The following CCDC172 variants were observed in gnomAD, a reference collection of about 807,000 sequenced individuals.
CCDC172 encodes coiled-coil domain-containing protein 172.
A neutral mutation model predicts 38.0 loss-of-function variants in CCDC172; 30 were observed. That is an observed-to-expected ratio of 0.79 (90% confidence interval 0.59 to 1.07). The LOEUF is 1.07. Ranked by LOEUF, CCDC172 falls within the 50% of genes least tolerant of loss-of-function variation. The pLI is 0.00. For synonymous variants in CCDC172, 78 were observed against 88.3 expected (o/e 0.88, Z 0.66); for missense variants, 297 against 290.1 (o/e 1.02, Z -0.17).
intron 3 of CCDC172, among the ~76,000 whole-genome samples, chr10:116,329,194 A>G (rs1361237986): frequency 6.6e-6 from 1 of 152,184 alleles, no homozygotes; most frequent in African/African-American, 2.4e-5. Context: ...AAGCCTTATC[A>G]TGTTTGTCAT....
In CCDC172 at chr10:116,343,415, C is replaced by T. The variant is rs117575843; in HGVS notation, c.448+1214C>T. Among the ~76,000 whole-genome samples the T allele has an allele frequency of 8.5e-3, 1,295 of 151,970 alleles. 9 individuals carry two copies. The highest frequency in any genetic ancestry group is 0.014 in the Non-Finnish European group (929 of 67,984). On this transcript the variant is annotated intron_variant, in intron 5 of 8. Coordinates refer to ENST00000333254, the MANE Select transcript of CCDC172 (RefSeq NM_198515.3). The stretch of plus-strand genomic sequence containing the variant: ...GAAATTGAGCCAGGCAAGTATTGGA[C>T]ATTCCTTGATTAGGACTCAGTCATC...
intron 7 of CCDC172, among the ~76,000 whole-genome samples, chr10:116,365,128 T>G (rs541619034): frequency 1.3e-5 from 2 of 152,282 alleles, no homozygotes; most frequent in African/African-American, 4.8e-5. Context: ...TACTTACCAT[T>G]ATATTGCTTT....
At chr10:116,335,869 T>C (rs1565712687) in intron 3 of CCDC172, among the ~76,000 whole-genome samples, 1 of 152,100 alleles carries the variant, frequency 6.6e-6, no homozygotes, top group Non-Finnish European at 1.5e-5. Context: ...TTTCTTGGAT[T>C]CATATATAAT....
At position 116,329,691 on chromosome 10, in the gene CCDC172, A is replaced by G. The variant is rs551064103; in HGVS notation, c.165+4303A>G. ...AAAGGTACCATTTGCCATCTTCTCTATGTTAATGCACACATTGACAGTGCA... is the reference window on the plus strand; with the variant it reads ...AAAGGTACCATTTGCCATCTTCTCTGTGTTAATGCACACATTGACAGTGCA... On this transcript the variant is annotated intron_variant, in intron 3 of 8. Transcript: ENST00000333254. Among the ~76,000 whole-genome samples the G allele has an allele frequency of 2.0e-5, 3 of 152,274 alleles. No individual in the cohort carries two copies. In the South Asian group the frequency reaches 6.2e-4, roughly 32 times the overall value.
intron 7 of CCDC172, among the ~76,000 whole-genome samples, chr10:116,377,526 A>G (rs1024022367): frequency 6.6e-6 from 1 of 152,204 alleles, no homozygotes; most frequent in African/African-American, 2.4e-5. Flanking sequence ...GCACGTTAAT[A>G]AAATGTATGT....
At chr10:116,335,359 T>G (rs2134911546) in intron 3 of CCDC172, among the ~76,000 whole-genome samples, 1 of 152,104 alleles carries the variant, frequency 6.6e-6, no homozygotes, top group East Asian at 1.9e-4. Flanking sequence ...TCTATACTAT[T>G]AATCTATTTG....
intron 3 of CCDC172, among the ~76,000 whole-genome samples, chr10:116,326,102 G>A (rs1286582036): frequency 3.3e-5 from 5 of 152,192 alleles, no homozygotes; most frequent in Non-Finnish European, 5.9e-5. Context: ...CCTGATCAGG[G>A]AGCAGTAAAA....
chr10:116,339,080 GGT>G (rs924683662), intron 3 of CCDC172, among the ~76,000 whole-genome samples: 1 of 151,872 alleles, frequency 6.6e-6, no homozygotes, highest in African/African-American at 2.4e-5. Flanking sequence ...AGTAAGCTCT[GGT>G]GGATCTAGGA....
chr10:116,371,407 G>A (rs7071032), intron 7 of CCDC172, among the ~76,000 whole-genome samples: 34,563 of 151,464 alleles, frequency 0.23, 5,909 homozygotes, highest in African/African-American at 0.45. Context: ...AGATCTTAGT[G>A]TATTATTTAT....
chr10:116,356,047 T>A (rs977924494), intron 5 of CCDC172, among the ~76,000 whole-genome samples: 2 of 152,024 alleles, frequency 1.3e-5, no homozygotes, highest in South Asian at 4.2e-4. Context: ...AAATACAATA[T>A]CTGGGCCGGG....
intron 5 of CCDC172, among the ~76,000 whole-genome samples, chr10:116,355,667 A>C (rs1471677208): frequency 3.3e-5 from 5 of 152,358 alleles, no homozygotes; most frequent in Non-Finnish European, 4.4e-5. Flanking sequence ...AACATGCTAC[A>C]AAATGGGTAG....
chr10:116,365,261 G>T (rs776406440), intron 7 of CCDC172, among the ~76,000 whole-genome samples: 1 of 152,232 alleles, frequency 6.6e-6, no homozygotes, highest in South Asian at 2.1e-4. Context: ...GCTAAATAGG[G>T]AAGTACTTCC....
At chr10:116,357,598 A>G (rs1391852002) in intron 6 of CCDC172, 117 bp downstream of exon 6, 1 of 935,268 alleles carries the variant, frequency 1.1e-6, no homozygotes, top group East Asian at 3.1e-5. Flanking sequence ...TATTATTGGT[A>G]TAAAAAAGAA....
chr10:116,368,835 C>G (rs1035866796), intron 7 of CCDC172, among the ~76,000 whole-genome samples: 1 of 152,002 alleles, frequency 6.6e-6, no homozygotes, highest in Non-Finnish European at 1.5e-5. Flanking sequence ...TCTCCTCCAA[C>G]TCAAATCTAA....
At chr10:116,368,746 G>A (rs1417960917) in intron 7 of CCDC172, among the ~76,000 whole-genome samples, 1 of 151,834 alleles carries the variant, frequency 6.6e-6, no homozygotes, top group African/African-American at 2.4e-5. Context: ...TGTGCTCATT[G>A]CTACTGGATG....
intron 4 of CCDC172, 34 bp from the exon 5 acceptor site, chr10:116,342,002 C>T: frequency 7.4e-7 from 1 of 1,344,674 alleles, no homozygotes; most frequent in Non-Finnish European, 9.9e-7. Flanking sequence ...TTGCAACTAA[C>T]ACCTATATTT....
At chr10:116,356,892 C>A (rs986251525) in intron 5 of CCDC172, among the ~76,000 whole-genome samples, 2 of 152,024 alleles carry the variant, frequency 1.3e-5, no homozygotes, top group Non-Finnish European at 2.9e-5. Flanking sequence ...ACTAACTTAT[C>A]CTTTTGTATC....
intron 3 of CCDC172, among the ~76,000 whole-genome samples, chr10:116,335,797 ATT>A (rs1447352778): frequency 6.6e-6 from 1 of 151,860 alleles, no homozygotes; most frequent in African/African-American, 2.4e-5. Flanking sequence ...TTTGGTATTT[ATT>A]TTGTTACTAG....
At chr10:116,336,666 T>G (rs1844737778) in intron 3 of CCDC172, among the ~76,000 whole-genome samples, 1 of 152,170 alleles carries the variant, frequency 6.6e-6, no homozygotes, top group Admixed American at 6.5e-5. Context: ...ATGTGAAATT[T>G]TCTACGTAAC....
Sources: allele counts gnomAD v4.1 joint callset (sites outside exome capture counted in the v4.1 genomes callset), GRCh38; gene constraint gnomAD v4.1.1; transcripts MANE v1.5; gene names NCBI Gene and HGNC (gene_info 2026-07-23, HGNC 2026-07-21).